The following COL14A1 variants were observed in gnomAD, a reference collection of about 807,000 sequenced individuals.
COL14A1 encodes collagen alpha-1(XIV) chain.
In COL14A1, 136 loss-of-function variants were observed where a neutral mutation model predicts 230.3. That is an observed-to-expected ratio of 0.59 (90% CI 0.51 to 0.68). The LOEUF (loss-of-function observed/expected upper bound fraction) is 0.68, where lower values mean the gene tolerates loss of function less well. Among genes scored for constraint, COL14A1 ranks in the 30% least tolerant of loss-of-function variants. COL14A1 has a pLI of 0.00. For missense variants in COL14A1, 1,976 were observed against 2,215.8 expected, an observed-to-expected ratio of 0.89 and a Z score of 2.17; for synonymous variants, 792 against 784.1, an observed-to-expected ratio of 1.01 and a Z score of -0.17.
chr8:120,141,208 A>G (rs1369760709), intron 1 of COL14A1, among the ~76,000 whole-genome samples: 1 of 152,178 alleles, frequency 6.6e-6, no homozygotes, highest in Admixed American at 6.5e-5. Context: ...ACTTCTCCCA[A>G]TGTGGTATTG....
chr8:120,195,206 C>T (rs528385883), intron 5 of COL14A1, among the ~76,000 whole-genome samples: 5 of 152,004 alleles, frequency 3.3e-5, no homozygotes, highest in East Asian at 1.9e-4. Flanking sequence ...CGCAGAGACA[C>T]GTATATTAAA....
chr8:120,158,839 T>A (rs1454954003), intron 3 of COL14A1, among the ~76,000 whole-genome samples: 1 of 152,206 alleles, frequency 6.6e-6, no homozygotes, highest in African/African-American at 2.4e-5. Flanking sequence ...TCTTTCAACA[T>A]CATTTGGTTG....
intron 23 of COL14A1, among the ~76,000 whole-genome samples, chr8:120,257,969 G>A (rs1047412757): frequency 2.0e-5 from 3 of 152,108 alleles, no homozygotes; most frequent in African/African-American, 2.4e-5. Context: ...TCTTCTCTGG[G>A]CTTCAGCTTC....
intron 15 of COL14A1, 29 bp from the exon 16 acceptor site, chr8:120,226,598 C>T (rs1025654393): frequency 1.4e-5 from 22 of 1,609,880 alleles, no homozygotes; most frequent in Non-Finnish European, 1.7e-5. Flanking sequence ...TCTCATTTCC[C>T]TAACAAAACC....
At chr8:120,195,228 A>G (rs1298111022) in intron 5 of COL14A1, among the ~76,000 whole-genome samples, 2 of 152,174 alleles carry the variant, frequency 1.3e-5, no homozygotes, top group African/African-American at 4.8e-5. Context: ...TGCCTATGCC[A>G]ACCATAATAG....
chr8:120,300,744 T>C lies in COL14A1; in HGVS notation c.4327T>C (p.Ser1443Pro). 4 of 1,613,380 alleles carry C rather than the reference T, an allele frequency of 2.5e-6. No individual in the cohort carries two copies. In the South Asian group the frequency reaches 4.4e-5, roughly 18 times the overall value. Reference sequence around the variant, plus strand: ...TGTTTCTTTTCAGAGAGATGATGAGTCTTGCCCAGACCTTCCCCATTCCTG... The same window carrying C: ...TGTTTCTTTTCAGAGAGATGATGAGCCTTGCCCAGACCTTCCCCATTCCTG... ...CELPGLRDDE[S>P]CPDLPHSCSC... Residue 1443 changes from serine to proline, a missense_variant, in exon 36 of 48, where the codon TCT (serine) becomes CCT (proline). Coordinates refer to ENST00000297848, the MANE Select transcript of COL14A1 (RefSeq NM_021110.4).
chr8:120,278,584 A>G lies in COL14A1; in HGVS notation c.3481+6A>G. On this transcript the variant is annotated splice_donor_region_variant and intron_variant, in intron 28 of 47. Coordinates refer to ENST00000297848, the MANE Select transcript of COL14A1 (RefSeq NM_021110.4). ...CAGGGAGATGCAATTAGATGGTAAG[A>G]TATATAAACAATAGTGGCTACCAAA... The G allele has an allele frequency of 6.2e-7, 1 of 1,611,042 alleles. No homozygotes were observed. Among genetic ancestry groups the G allele is most frequent in the Non-Finnish European group, 8.5e-7 (1 of 1,178,502 alleles).
intron 25 of COL14A1, among the ~76,000 whole-genome samples, 166 bp from the exon 26 acceptor site, chr8:120,269,869 A>G (rs1220809309): frequency 2.0e-5 from 3 of 151,836 alleles, no homozygotes; most frequent in African/African-American, 4.8e-5. Flanking sequence ...ATTACAGCAA[A>G]GAAGCATAGT....
intron 3 of COL14A1, among the ~76,000 whole-genome samples, chr8:120,161,549 T>A (rs1427579049): frequency 6.6e-6 from 1 of 152,216 alleles, no homozygotes; most frequent in Admixed American, 6.5e-5. Context: ...CCATTTGTGG[T>A]CAGATTTAAG....
At chr8:120,235,354 A>C (rs1680806946) in intron 19 of COL14A1, among the ~76,000 whole-genome samples, 1 of 151,910 alleles carries the variant, frequency 6.6e-6, no homozygotes, top group African/African-American at 2.4e-5. Flanking sequence ...TTTTTTTAGT[A>C]GAGATGGGTT....
chr8:120,152,935 A>G (rs1355105442), intron 2 of COL14A1, among the ~76,000 whole-genome samples: 2 of 152,208 alleles, frequency 1.3e-5, no homozygotes, highest in Admixed American at 6.5e-5. Context: ...CTGTGTTCAC[A>G]CGTTGACACA....
intron 14 of COL14A1, among the ~76,000 whole-genome samples, chr8:120,217,240 G>A (rs899477408): frequency 6.6e-6 from 1 of 152,114 alleles, no homozygotes; most frequent in Admixed American, 6.5e-5. Context: ...CTAGTTAGAT[G>A]AGCCTAAATT....
chr8:120,333,676 G>A (rs758815920), intron 42 of COL14A1, among the ~76,000 whole-genome samples: 2 of 152,208 alleles, frequency 1.3e-5, no homozygotes, highest in Non-Finnish European at 2.9e-5. Flanking sequence ...CCGCAGGTCA[G>A]AAGTCTGGCG....
chr8:120,159,735 A>G (rs1815598880), intron 3 of COL14A1, among the ~76,000 whole-genome samples: 1 of 152,156 alleles, frequency 6.6e-6, no homozygotes, highest in Admixed American at 6.5e-5. Context: ...TTTGTTGCCC[A>G]GGCTGGAGTG....
chr8:120,278,042 T>A (rs1198392046), intron 26 of COL14A1, 69 bp from the exon 27 acceptor site: 1 of 1,344,882 alleles, frequency 7.4e-7, no homozygotes, highest in Non-Finnish European at 9.8e-7. Context: ...CAGGTGACAC[T>A]GTGCTGTTGC....
chr8:120,207,230 C>G, intron 10 of COL14A1, 136 bp downstream of exon 10: 1 of 799,330 alleles, frequency 1.3e-6, no homozygotes, highest in Non-Finnish European at 1.9e-6. Flanking sequence ...AAATACATTT[C>G]CACTTGTTCA....
At chr8:120,186,618 G>A (rs1816660811) in intron 5 of COL14A1, among the ~76,000 whole-genome samples, 1 of 152,184 alleles carries the variant, frequency 6.6e-6, no homozygotes, top group Non-Finnish European at 1.5e-5. Context: ...AGGCCACTTT[G>A]ATACAATCTC....
Position 120,341,261 on chromosome 8 carries a change from C to T in COL14A1, c.4786-64C>T, listed in dbSNP as rs184651306. 3,827 of 1,477,204 alleles carry T rather than the reference C, an allele frequency of 2.6e-3. 5 individuals carry two copies. The highest frequency in any genetic ancestry group is 3.0e-3 in the Non-Finnish European group (3,192 of 1,056,982). The allele number at this position is 1,477,204 out of a possible 1,614,324, so 91.5% of individuals were successfully genotyped here. A position where few individuals can be genotyped will look rare whatever the true frequency, so the allele number is the denominator to read the frequency against. On this transcript the variant is annotated intron_variant, in intron 42 of 47. Coordinates refer to ENST00000297848, the MANE Select transcript of COL14A1 (RefSeq NM_021110.4). Reference sequence around the variant, plus strand: ...TGTCTTAATAAAATAAGAAAAGATGCATGATTATCACTCTTAGCTAAGTGC... The same window carrying T: ...TGTCTTAATAAAATAAGAAAAGATGTATGATTATCACTCTTAGCTAAGTGC...
chr8:120,186,270 C>T (rs1816649773), intron 5 of COL14A1, among the ~76,000 whole-genome samples: 2 of 152,190 alleles, frequency 1.3e-5, no homozygotes, highest in Admixed American at 1.3e-4. Context: ...TACACAGTAA[C>T]AGTGAGCTTC....
Sources: gnomAD v4.1 joint callset for allele counts (sites outside exome capture counted in the v4.1 genomes callset) on GRCh38, gnomAD v4.1.1 for gene constraint, MANE v1.5 for transcripts, NCBI Gene and HGNC (gene_info 2026-07-23, HGNC 2026-07-21) for gene names.